The following FAT1 variants were observed in gnomAD, a reference collection of about 807,000 sequenced individuals.
FAT1 encodes protocadherin Fat 1.
FAT1 carries 171 observed loss-of-function variants against 329.8 expected under a neutral mutation model. The ratio of observed to expected loss-of-function variants is 0.52; its 90% confidence interval spans 0.46 to 0.59. FAT1 has a LOEUF of 0.59. FAT1 is among the 20% of genes least tolerant of loss of function. The pLI is 0.00. For missense variants in FAT1, 5,672 were observed against 5,774.4 expected (o/e 0.98, Z 0.57); for synonymous variants, 2,233 against 2,228.6 (o/e 1.00, Z -0.06).
At chr4:186,617,658 C>T (rs1217778724) in intron 10 of FAT1, 50 bp downstream of exon 10, 1 of 1,451,788 alleles carries the variant, frequency 6.9e-7, no homozygotes, top group Non-Finnish European at 9.3e-7. Flanking sequence ...CTTTATGCTT[C>T]TAAAAATCAT....
chr4:186,675,824 C>CAA (rs1553996803), intron 2 of FAT1, among the ~76,000 whole-genome samples: 2 of 134,106 alleles, frequency 1.5e-5, no homozygotes, highest in Admixed American at 7.6e-5. Context: ...CACACACACA[C>CAA]AATTAATTTT....
In FAT1 at chr4:186,621,488, C is replaced by A. The variant is rs2126525726; in HGVS notation, c.5098G>T (p.Glu1700Ter). ...TCACCTGTATTTCCATCTTTTATTT[C>A]ATACACCACTGATGATTGACTATGG... ...TAHSQSSVVY[E>*]IKDGNTGDAF... The change falls in exon 10 of 27, where the codon GAA (glutamate) becomes TAA (stop). Residue 1700 changes from glutamate (E) to a stop codon, truncating the protein, a stop_gained. Transcript: ENST00000441802. LOFTEE classifies it high-confidence loss of function. The A allele has an allele frequency of 2.5e-6, 4 of 1,614,000 alleles. No individual in the cohort carries two copies. Among genetic ancestry groups the A allele is most frequent in the Non-Finnish European group, 3.4e-6 (4 of 1,179,884 alleles).
Position 186,619,969 on chromosome 4 carries a change from G to C in FAT1, c.6617C>G (p.Ala2206Gly), listed in dbSNP as rs773699449. 11 of 1,613,882 alleles carry C rather than the reference G, an allele frequency of 6.8e-6. No homozygotes were observed. The highest frequency in any genetic ancestry group is 1.7e-5 in the Admixed American group (1 of 60,016). Reference protein sequence around the residue: ...QVHSPVVHVQANSPEGLKVFY... With the variant: ...QVHSPVVHVQGNSPEGLKVFY... The stretch of plus-strand genomic sequence containing the variant: ...CACTTTCAGGCCTTCCGGGCTGTTA[G>C]CCTGCACGTGGACCACAGGGCTGTG... The change falls in exon 10 of 27, where the codon GCT becomes GGT. Residue 2206 changes from alanine (A) to glycine (G), a missense_variant. By Grantham distance (60) the Ala-to-Gly change is moderately conservative. Around this residue, in one of 2 missense-constraint regions of FAT1, gnomAD observed 3,966 missense variants for 3,915.2 expected, o/e 1.01. Transcript: ENST00000441802.
intron 2 of FAT1, among the ~76,000 whole-genome samples, chr4:186,670,628 C>T (rs1259293621): frequency 6.6e-6 from 1 of 152,154 alleles, no homozygotes; most frequent in Admixed American, 6.5e-5. Flanking sequence ...AAATGTTAAT[C>T]ACTAAAAACA....
At chr4:186,675,678 G>A (rs1352106859) in intron 2 of FAT1, among the ~76,000 whole-genome samples, 1 of 151,704 alleles carries the variant, frequency 6.6e-6, no homozygotes, top group African/African-American at 2.4e-5. Flanking sequence ...GATCACAGAG[G>A]CTGCAGTGAA....
intron 3 of FAT1, among the ~76,000 whole-genome samples, chr4:186,659,333 C>A (rs953814230): frequency 6.6e-6 from 1 of 152,204 alleles, no homozygotes; most frequent in Non-Finnish European, 1.5e-5. Flanking sequence ...GTACTTGATG[C>A]ATAAACAAAT....
At chr4:186,654,226 G>T (rs967731018) in intron 3 of FAT1, among the ~76,000 whole-genome samples, 2 of 152,152 alleles carry the variant, frequency 1.3e-5, no homozygotes, top group African/African-American at 4.8e-5. Flanking sequence ...CAGGCTATTG[G>T]TATCTGTAGT....
At chr4:186,589,498 G>A (rs1738139331) in intron 26 of FAT1, among the ~76,000 whole-genome samples, 1 of 152,002 alleles carries the variant, frequency 6.6e-6, no homozygotes, top group African/African-American at 2.4e-5. Context: ...AAGAGAAATG[G>A]GATGCTAGCA....
chr4:186,632,426 ATTTATGATG>A (rs1386827243), intron 7 of FAT1, among the ~76,000 whole-genome samples: 3 of 152,134 alleles, frequency 2.0e-5, no homozygotes, highest in African/African-American at 7.2e-5. Flanking sequence ...ATTTATTACA[ATTTATGATG>A]TTTTTATTCT....
chr4:186,617,554 G>A (rs930123690), intron 10 of FAT1, among the ~76,000 whole-genome samples, 154 bp downstream of exon 10: 3 of 152,100 alleles, frequency 2.0e-5, no homozygotes, highest in Non-Finnish European at 2.9e-5. Flanking sequence ...CTTGAAATGA[G>A]GCTCAACAGA....
chr4:186,702,308 C>A (rs1180529214), intron 2 of FAT1, among the ~76,000 whole-genome samples: 1 of 152,156 alleles, frequency 6.6e-6, no homozygotes. Flanking sequence ...AATCCTGAAA[C>A]CAGGATTGGG....
intron 9 of FAT1, among the ~76,000 whole-genome samples, chr4:186,627,235 AGAATGAAT>A (rs1177433360): frequency 7.8e-6 from 1 of 127,958 alleles, no homozygotes; most frequent in Non-Finnish European, 1.7e-5. Flanking sequence ...ACCAGCCCAC[AGAATGAAT>A]GAATGAATGA....
intron 6 of FAT1, among the ~76,000 whole-genome samples, chr4:186,635,399 T>C (rs1017734448): frequency 6.6e-6 from 1 of 152,110 alleles, no homozygotes; most frequent in African/African-American, 2.4e-5. Flanking sequence ...CTAAACTACA[T>C]GACAAATAAG....
Position 186,614,233 on chromosome 4 carries a change from A to G in FAT1, c.9187T>C (p.Leu3063=), listed in dbSNP as rs370323599. 245 of 1,601,358 alleles carry G rather than the reference A, an allele frequency of 1.5e-4. No individual in the cohort carries two copies. Among genetic ancestry groups the G allele is most frequent in the Non-Finnish European group, 2.0e-4 (237 of 1,176,172 alleles). The stretch of plus-strand genomic sequence containing the variant: ...TTGAATTTTTCTGCACCTGAACCCA[A>G]TAACGTGTAAGTAATTTCAGCGTTA... ...RSNAEITYTL[L]GSGAEKFKLN... is the part of the protein sequence containing the mutation. Residue 3063 remains leucine (L), a synonymous_variant, in exon 12 of 27, where the codon TTG becomes CTG. Transcript: ENST00000441802.
intron 26 of FAT1, among the ~76,000 whole-genome samples, chr4:186,593,180 T>C (rs1738325288): frequency 6.6e-6 from 1 of 152,130 alleles, no homozygotes; most frequent in Non-Finnish European, 1.5e-5. Context: ...AAAAAAGAAA[T>C]TGAAGGAGAA....
At position 186,620,610 on chromosome 4, in the gene FAT1, G is replaced by A. The variant is rs1201594967; in HGVS notation, c.5976C>T (p.Ser1992=). 6.2e-7 allele frequency: 1 copy of A among 1,613,872 alleles called. No homozygotes were observed. The highest frequency in any genetic ancestry group is 8.5e-7 in the Non-Finnish European group (1 of 1,179,894). Residue 1992 remains serine, a synonymous_variant, in exon 10 of 27, where the codon TCC becomes TCT. Coordinates refer to ENST00000441802, the MANE Select transcript of FAT1 (RefSeq NM_005245.4). ...TGACAGCTAATGTTTCGGCCTCGGT[G>A]GAATTCTCTTTCACTACCGCAGAGT... is the stretch of plus-strand genomic sequence containing the variant. ...DVYSAVVKEN[S]TEAETLAVIT...
chr4:186,620,777 T>C lies in FAT1; in HGVS notation c.5809A>G (p.Thr1937Ala), dbSNP rs1740002717. 1 of 1,613,926 alleles carries C rather than the reference T, an allele frequency of 6.2e-7. No homozygotes were observed. The highest frequency in any genetic ancestry group is 1.7e-5 in the Admixed American group (1 of 59,998). The change falls in exon 10 of 27, where the codon ACT (threonine) becomes GCT (alanine). Residue 1937 changes from threonine to alanine, a missense_variant. Thr to Ala is a moderately conservative substitution (Grantham distance 58). Coordinates refer to ENST00000441802, the MANE Select transcript of FAT1 (RefSeq NM_005245.4). Reference protein sequence around the residue: ...FSMDYKTGALTVQNTTQLRSR... With the variant: ...FSMDYKTGALAVQNTTQLRSR... ...CTTAACTGAGTTGTGTTTTGGACAG[T>C]GAGAGCACCAGTCTTGTAGTCCATA... is the stretch of plus-strand genomic sequence containing the variant.
rs2126392396 is a variant in FAT1, at chr4:186,596,946, C to T, written c.12594G>A (p.Val4198=). Residue 4198 remains valine, a synonymous_variant, in exon 25 of 27, where the codon GTG becomes GTA. Coordinates refer to ENST00000441802, the MANE Select transcript of FAT1 (RefSeq NM_005245.4). The surrounding 1 kb of genome is among the most constrained non-coding windows in gnomAD (Gnocchi z 4.7). ...FVAGIFLLVV[V]FVLCRKMISR... The stretch of plus-strand genomic sequence containing the variant: ...TAATCATCTTACGGCAGAGAACAAA[C>T]ACCACCACCAGTAAAAATATCCCTG... The T allele has an allele frequency of 6.2e-7, 1 of 1,613,978 alleles. No individual in the cohort carries two copies. Among genetic ancestry groups the T allele is most frequent in the African/African-American group, 1.3e-5 (1 of 75,034 alleles).
At chr4:186,644,564 A>G (rs959440233) in intron 3 of FAT1, among the ~76,000 whole-genome samples, 1 of 152,248 alleles carries the variant, frequency 6.6e-6, no homozygotes, top group African/African-American at 2.4e-5. Flanking sequence ...ATGCAGTAAC[A>G]AAGTTTATGG....
Sources: gnomAD v4.1 joint callset for allele counts (sites outside exome capture counted in the v4.1 genomes callset) on GRCh38, gnomAD v4.1.1 for gene constraint, gnomAD v4.1.1 regional missense constraint, Gnocchi (gnomAD v3.1) non-coding constraint, MANE v1.5 for transcripts, NCBI Gene and HGNC (gene_info 2026-07-23, HGNC 2026-07-21) for gene names.